Variants in NCALD observed in about 807,000 individuals in gnomAD.
NCALD encodes the protein neurocalcin-delta.
NCALD carries 10 observed loss-of-function variants against 18.6 expected under a neutral mutation model. The observed-to-expected ratio is 0.54, with a 90% CI of 0.33 to 0.91. The LOEUF (loss-of-function observed/expected upper bound fraction) is 0.91, where lower values mean the gene tolerates loss of function less well. NCALD is among the 40% of genes least tolerant of loss of function. NCALD has a pLI of 0.03. For missense variants in NCALD, 184 were observed against 247.6 expected (o/e 0.74, Z 1.72); for synonymous variants, 88 against 87.4 (o/e 1.01, Z -0.04).
At chr8:101,897,456 T>A (rs1342338754) in intron 3 of NCALD, among the ~76,000 whole-genome samples, 3 of 150,838 alleles carry the variant, frequency 2.0e-5, no homozygotes, top group South Asian at 4.3e-4. Flanking sequence ...GCATGGCACA[T>A]GTATACATAT....
At position 101,767,054 on chromosome 8, in the gene NCALD, G is replaced by A. The variant is rs117380008; in HGVS notation, c.-20+23808C>T. Among the ~76,000 whole-genome samples the A allele has an allele frequency of 3.0e-3, 453 of 152,118 alleles. 2 individuals carry two copies. Among genetic ancestry groups the A allele is most frequent in the Non-Finnish European group, 4.0e-3 (269 of 68,006 alleles). The stretch of plus-strand genomic sequence containing the variant: ...TGTTCCTGCTATCATTTTATTCTCA[G>A]TTGAGTTTTCCCCCTTCAGGTACCA... On this transcript the variant is annotated intron_variant, in intron 1 of 3. Transcript: ENST00000220931.
intron 1 of NCALD, among the ~76,000 whole-genome samples, chr8:102,054,660 CGATAGATAGATAGATA>C (rs10617345): frequency 0.028 from 4,003 of 142,336 alleles, 76 homozygotes; most frequent in African/African-American, 0.049. Flanking sequence ...CTTTCTCTTC[CGATAGATAGATAGATA>C]GATAGATAGA....
Position 102,100,302 on chromosome 8 carries a change from G to C in NCALD, c.-210+23935C>G, listed in dbSNP as rs189034480. Among the ~76,000 whole-genome samples, 26 of 152,154 alleles carry C rather than the reference G, an allele frequency of 1.7e-4. 1 individual carries two copies. The highest frequency in any genetic ancestry group is 9.2e-4 in the Admixed American group (14 of 15,296). On this transcript the variant is annotated intron_variant, in intron 1 of 6. Transcript: ENST00000311028. ...GCTTTTCATAACTAAACTCAAGGAGGAATAAATCACAAAATGTTATATCCA... is the reference window on the plus strand; with the variant it reads ...GCTTTTCATAACTAAACTCAAGGAGCAATAAATCACAAAATGTTATATCCA...
At position 102,013,582 on chromosome 8, in the gene NCALD, C is replaced by T. The variant is rs1054853111; in HGVS notation, c.-157+6655G>A. 2.0e-3 allele frequency among the ~76,000 whole-genome samples: 303 copies of T among 152,172 alleles called. 4 individuals carry two copies. Among genetic ancestry groups the T allele is most frequent in the Non-Finnish European group, 2.1e-4 (14 of 68,040 alleles). On this transcript the variant is annotated intron_variant, in intron 2 of 6. Coordinates refer to the NCALD transcript ENST00000311028. ...CAACTCTTTACCTGGGCTGACTCCACTGGGAGGCATGACCTCGTGCCCTTC... is the reference window on the plus strand; with the variant it reads ...CAACTCTTTACCTGGGCTGACTCCATTGGGAGGCATGACCTCGTGCCCTTC...
chr8:101,774,875 G>A (rs1378412795), intron 1 of NCALD, among the ~76,000 whole-genome samples: 1 of 152,166 alleles, frequency 6.6e-6, no homozygotes. Context: ...CAAAGACAAA[G>A]GCAGCATGCT....
intron 4 of NCALD, among the ~76,000 whole-genome samples, chr8:101,834,379 G>C (rs561213824): frequency 4.6e-5 from 7 of 152,254 alleles, no homozygotes; most frequent in Non-Finnish European, 7.3e-5. Flanking sequence ...CAGGCTTCAC[G>C]TGAAGCTGGA....
chr8:101,833,010 G>A (rs181665405), intron 4 of NCALD, among the ~76,000 whole-genome samples: 4 of 152,330 alleles, frequency 2.6e-5, no homozygotes, highest in Admixed American at 2.6e-4. Flanking sequence ...TGGATATCAT[G>A]AAGCTTTCAG....
rs571447393 is a variant in NCALD at position 102,051,748 on chromosome 8, C to G, written c.-209-31459G>C. ...AGCCTTGAACCCTTTCAGCTCATGA[C>G]CAAGCTATCAGAACACAGAAGTCCA... On this transcript the variant is annotated intron_variant, in intron 1 of 6. Coordinates refer to the NCALD transcript ENST00000311028. Among the ~76,000 whole-genome samples the G allele has an allele frequency of 3.9e-5, 6 of 152,274 alleles. No homozygotes were observed. In the East Asian group the frequency reaches 1.2e-3, roughly 29 times the overall value.
At chr8:101,834,825 C>A (rs973246288) in intron 4 of NCALD, among the ~76,000 whole-genome samples, 2 of 152,208 alleles carry the variant, frequency 1.3e-5, no homozygotes, top group African/African-American at 4.8e-5. Flanking sequence ...CCAACTTAAA[C>A]TGTATCAAGT....
chr8:101,976,210 A>G (rs1204045908), intron 2 of NCALD, among the ~76,000 whole-genome samples: 1 of 152,090 alleles, frequency 6.6e-6, no homozygotes, highest in Non-Finnish European at 1.5e-5. Flanking sequence ...TCTCTAAATG[A>G]TTTCTATAAA....
chr8:101,721,204 A>G (rs1466713517), intron 1 of NCALD: 1 of 152,206 alleles, frequency 6.6e-6, no homozygotes, highest in Non-Finnish European at 1.5e-5. Context: ...TAGAAAAATT[A>G]CAGAATACCT....
chr8:101,701,091 C>T (rs1428980479), intron 2 of NCALD, among the ~76,000 whole-genome samples: 12 of 152,144 alleles, frequency 7.9e-5, no homozygotes, highest in Admixed American at 7.9e-4. Flanking sequence ...TCCCAATGGC[C>T]CCCAGAGTGA....
intron 4 of NCALD, among the ~76,000 whole-genome samples, chr8:101,873,338 G>A (rs1017966802): frequency 5.9e-5 from 9 of 152,228 alleles, no homozygotes; most frequent in African/African-American, 2.2e-4. Context: ...GGCGGTGAAA[G>A]CTCCAGAGCT....
intron 4 of NCALD, among the ~76,000 whole-genome samples, chr8:101,800,523 A>T (rs1040008138): frequency 6.6e-6 from 1 of 152,070 alleles, no homozygotes; most frequent in Non-Finnish European, 1.5e-5. Flanking sequence ...AATCTTAAAC[A>T]TATCAATAAT....
intron 2 of NCALD, among the ~76,000 whole-genome samples, chr8:101,918,740 CCACACACACACACACA>C (rs34480976): frequency 8.5e-5 from 12 of 140,658 alleles, no homozygotes; most frequent in Non-Finnish European, 1.6e-4. Context: ...TTTACAATAG[CCACACACACACACACA>C]CACACACACA....
intron 2 of NCALD, among the ~76,000 whole-genome samples, chr8:101,696,810 G>C (rs185051655): frequency 1.3e-3 from 165 of 129,052 alleles, no homozygotes; most frequent in Non-Finnish European, 2.2e-3. Context: ...GTGTTAAGAG[G>C]GAAATTTATA....
chr8:101,771,274 A>G (rs984927625), intron 1 of NCALD, among the ~76,000 whole-genome samples: 2 of 152,214 alleles, frequency 1.3e-5, no homozygotes, highest in African/African-American at 2.4e-5. Context: ...TGGTACCTCC[A>G]GATCAGCAAG....
chr8:101,777,643 G>A (rs1175597730), intron 1 of NCALD, among the ~76,000 whole-genome samples: 1 of 152,190 alleles, frequency 6.6e-6, no homozygotes, highest in African/African-American at 2.4e-5. Flanking sequence ...ATGGCCTCGT[G>A]CCAATCATAC....
chr8:102,016,630 T>A (rs1822092788), intron 2 of NCALD, among the ~76,000 whole-genome samples: 1 of 152,180 alleles, frequency 6.6e-6, no homozygotes, highest in South Asian at 2.1e-4. Context: ...CAAATTCAAC[T>A]CCATCCAAAC....
Sources: allele counts gnomAD v4.1 joint callset (sites outside exome capture counted in the v4.1 genomes callset), GRCh38; gene constraint gnomAD v4.1.1; transcripts MANE v1.5; gene names NCBI Gene and HGNC (gene_info 2026-07-23, HGNC 2026-07-21).